The following COL4A2 variants were observed in gnomAD, a reference collection of about 807,000 sequenced individuals.
COL4A2 encodes collagen type IV alpha 2 chain, also known as collagen alpha-2(IV) chain.
Under a neutral mutation model 200.2 loss-of-function variants are expected in COL4A2, and 99 were observed. That is an observed-to-expected ratio of 0.49 (90% CI 0.42 to 0.58). COL4A2 has a LOEUF of 0.58. COL4A2 is among the 20% of genes least tolerant of loss of function. COL4A2 has a pLI of 0.00. For missense variants in COL4A2, 1,950 were observed against 2,314.1 expected (o/e 0.84, Z 3.23); for synonymous variants, 897 against 900.6 (o/e 1.00, Z 0.07).
At position 110,438,758 on chromosome 13, in the gene COL4A2, C is replaced by A. The variant is rs965888969; in HGVS notation, c.912+90C>A. ...TTTTAGAGCTGTTTCAGATTCACAG[C>A]AAAATTTAGCAGAAAGTATAGAGAT... On this transcript the variant is annotated intron_variant, in intron 15 of 47. Transcript: ENST00000360467. The A allele has an allele frequency of 7.2e-5, 108 of 1,507,756 alleles. 1 individual carries two copies. In the African/African-American group the frequency reaches 1.2e-3, roughly 16 times the overall value. The allele number at this position is 1,507,756 out of a possible 1,614,324, so 93.4% of individuals were successfully genotyped here.
intron 36 of COL4A2, 32 bp downstream of exon 36, chr13:110,489,817 C>T: frequency 6.3e-7 from 1 of 1,589,930 alleles, no homozygotes; most frequent in Non-Finnish European, 8.6e-7. Flanking sequence ...TCTTCATCTT[C>T]AACAACAGCC....
chr13:110,425,847 C>T (rs992670987), intron 6 of COL4A2, among the ~76,000 whole-genome samples: 1 of 152,210 alleles, frequency 6.6e-6, no homozygotes, highest in African/African-American at 2.4e-5. Context: ...GAGTGGAGGG[C>T]AGTGCCAGAG....
chr13:110,344,532 C>T lies in COL4A2; in HGVS notation c.100-12940C>T, dbSNP rs555570758. 5.9e-5 allele frequency among the ~76,000 whole-genome samples: 9 copies of T among 152,252 alleles called. No homozygotes were observed. The South Asian group carries it at 1.5e-3, about 25-fold the overall frequency. ...GAGATGGAAGTCATGTTAGTTCATG[C>T]GTGACATTTTTCCCAGCATGGTGTT... On this transcript the variant is annotated intron_variant, in intron 3 of 47. Transcript: ENST00000360467.
chr13:110,471,247 G>A (rs1226000459), intron 28 of COL4A2, among the ~76,000 whole-genome samples: 1 of 152,220 alleles, frequency 6.6e-6, no homozygotes, highest in African/African-American at 2.4e-5. Flanking sequence ...CCCCTGTAGG[G>A]GGGAATGGAT....
chr13:110,321,641 A>G (rs1376988119), intron 3 of COL4A2, among the ~76,000 whole-genome samples: 1 of 152,236 alleles, frequency 6.6e-6, no homozygotes, highest in Admixed American at 6.5e-5. Flanking sequence ...GTCCATGTTC[A>G]TGCTACTGAT....
intron 12 of COL4A2, among the ~76,000 whole-genome samples, chr13:110,435,661 A>T (rs1566531325): frequency 6.6e-6 from 1 of 152,228 alleles, no homozygotes; most frequent in Non-Finnish European, 1.5e-5. Context: ...TGTGTCAATC[A>T]GTTTCTGGGA....
intron 3 of COL4A2, among the ~76,000 whole-genome samples, chr13:110,329,091 G>C (rs1212565727): frequency 4.6e-5 from 7 of 152,168 alleles, no homozygotes; most frequent in African/African-American, 1.7e-4. Context: ...CCCATAATCA[G>C]ATACAGAAAT....
intron 3 of COL4A2, among the ~76,000 whole-genome samples, chr13:110,331,096 T>C: frequency 6.6e-6 from 1 of 152,206 alleles, no homozygotes; most frequent in East Asian, 1.9e-4. Flanking sequence ...GATATAATTT[T>C]CTTCTAGAAA....
At chr13:110,462,740 G>A (rs116077942) in intron 24 of COL4A2, among the ~76,000 whole-genome samples, 2,323 of 152,186 alleles carry the variant, frequency 0.015, 55 homozygotes, top group African/African-American at 0.054. Flanking sequence ...TTTCATTTTT[G>A]CAACAAACAC....
chr13:110,315,158 G>A (rs942205603), intron 3 of COL4A2, among the ~76,000 whole-genome samples: 1 of 152,166 alleles, frequency 6.6e-6, no homozygotes, highest in South Asian at 2.1e-4. Flanking sequence ...CCTTAGCCCC[G>A]GGGGGATAAG....
In COL4A2 at chr13:110,396,728, G is replaced by A. The variant is rs578077715; in HGVS notation, c.181-28006G>A. Among the ~76,000 whole-genome samples, 322 of 146,474 alleles carry A rather than the reference G, an allele frequency of 2.2e-3. 1 individual carries two copies. Among genetic ancestry groups the A allele is most frequent in the African/African-American group, 7.6e-3 (302 of 39,718 alleles). On this transcript the variant is annotated intron_variant, in intron 4 of 47. Transcript: ENST00000360467. ...AGAATCTTACTAGAAATGACTAAGCGGACCGTTTTTTCTTGTGAGGAGAGA... is the reference window on the plus strand; with the variant it reads ...AGAATCTTACTAGAAATGACTAAGCAGACCGTTTTTTCTTGTGAGGAGAGA...
intron 3 of COL4A2, among the ~76,000 whole-genome samples, chr13:110,353,599 G>A (rs1028512547): frequency 6.6e-6 from 1 of 152,240 alleles, no homozygotes; most frequent in Non-Finnish European, 1.5e-5. Context: ...TCAGGTCAGA[G>A]ACTTGTTGAG....
chr13:110,382,015 A>AT, intron 4 of COL4A2, among the ~76,000 whole-genome samples: 1 of 152,216 alleles, frequency 6.6e-6, no homozygotes, highest in South Asian at 2.1e-4. Context: ...TTATCACTGA[A>AT]TTTTTCACGG....
At chr13:110,428,647 T>A in intron 7 of COL4A2, 64 bp downstream of exon 7, 1 of 953,324 alleles carries the variant, frequency 1.0e-6, no homozygotes, top group South Asian at 2.0e-5. Context: ...CCTGCCTTTA[T>A]AACCTGGGGG....
At position 110,465,412 on chromosome 13, in the gene COL4A2, G is replaced by A; in HGVS notation, c.1784G>A (p.Gly595Asp). Residue 595 changes from glycine (G) to aspartate (D), a missense_variant, in exon 25 of 48, where the codon GGC (glycine) becomes GAC (aspartate). This residue lies in a region of COL4A2 where 1,385 missense variants were observed against 1,720.5 expected (regional missense o/e 0.80). Coordinates refer to ENST00000360467, the MANE Select transcript of COL4A2 (RefSeq NM_001846.4). Reference protein sequence around the residue: ...FPGLPGPPGDGIKGPPGDPGY... With the variant: ...FPGLPGPPGDDIKGPPGDPGY... ...AACTGAATTTTCACACAGGGTGATG[G>A]CATCAAGGGCCCTCCAGGGGACCCA... is the stretch of plus-strand genomic sequence containing the variant. 1 of 1,605,716 alleles carries A rather than the reference G, an allele frequency of 6.2e-7. No individual in the cohort carries two copies. The highest frequency in any genetic ancestry group is 8.5e-7 in the Non-Finnish European group (1 of 1,177,804).
intron 3 of COL4A2, among the ~76,000 whole-genome samples, chr13:110,308,796 G>C (rs1884887960): frequency 6.6e-6 from 1 of 152,210 alleles, no homozygotes; most frequent in Admixed American, 6.5e-5. Flanking sequence ...ACTGCACTGC[G>C]AGGCTTTGTC....
At chr13:110,495,247 T>C (rs1883417613) in intron 39 of COL4A2, 95 bp from the exon 40 acceptor site, 6 of 1,457,004 alleles carry the variant, frequency 4.1e-6, no homozygotes, top group Non-Finnish European at 5.8e-6. Context: ...TCTGTTTCTT[T>C]GCTTTTGAGG....
rs765137649 is a variant in COL4A2, at chr13:110,477,990, C to A, written c.2426-13C>A. On this transcript the variant is annotated splice_polypyrimidine_tract_variant and intron_variant, in intron 29 of 47. Coordinates refer to ENST00000360467, the MANE Select transcript of COL4A2 (RefSeq NM_001846.4). Reference sequence around the variant, plus strand: ...GAGTTGGCCCCCACAGCTCTTGTCTCTGATTCCTGCAGGAAGCCAAGGGAT... The same window carrying A: ...GAGTTGGCCCCCACAGCTCTTGTCTATGATTCCTGCAGGAAGCCAAGGGAT... The A allele has an allele frequency of 1.3e-6, 2 of 1,543,602 alleles. No homozygotes were observed. Among genetic ancestry groups the A allele is most frequent in the Admixed American group, 4.0e-5 (2 of 50,618 alleles).
intron 32 of COL4A2, among the ~76,000 whole-genome samples, chr13:110,483,327 C>T (rs945609441): frequency 2.6e-5 from 4 of 152,110 alleles, no homozygotes; most frequent in African/African-American, 4.8e-5. Flanking sequence ...TAAAACGCTG[C>T]GGCCAGTGTG....
Sources: allele counts gnomAD v4.1 joint callset (sites outside exome capture counted in the v4.1 genomes callset), GRCh38; gene constraint gnomAD v4.1.1; regional missense constraint gnomAD v4.1.1; transcripts MANE v1.5; gene names NCBI Gene and HGNC (gene_info 2026-07-23, HGNC 2026-07-21).